Variants in TXNDC9 observed in about 807,000 individuals in gnomAD.
TXNDC9 encodes thioredoxin domain-containing protein 9.
Under a neutral mutation model 23.0 loss-of-function variants are expected in TXNDC9, and 7 were observed. The observed-to-expected ratio is 0.30, with a 90% CI of 0.17 to 0.57. The LOEUF (loss-of-function observed/expected upper bound fraction) is 0.57, where lower values mean the gene tolerates loss of function less well. TXNDC9 is among the 20% of genes least tolerant of loss of function. The probability of loss-of-function intolerance (pLI) is 0.90; values close to 1 mark genes in which losing one functional copy is unlikely to be tolerated. For synonymous variants in TXNDC9, 72 were observed against 90.6 expected, an observed-to-expected ratio of 0.79 and a Z score of 1.17; for missense variants, 198 against 252.6, an observed-to-expected ratio of 0.78 and a Z score of 1.47.
rs187165654 is a variant in TXNDC9, at chr2:99,328,105, T to A, written c.190-452A>T. ...GCCCAAAAGTGTTATTTATTTATTTTTTTTTTGAGAATGGGTCTTGCTAAA... is the reference window on the plus strand; with the variant it reads ...GCCCAAAAGTGTTATTTATTTATTTATTTTTTGAGAATGGGTCTTGCTAAA... On this transcript the variant is annotated intron_variant, in intron 2 of 4. Transcript: ENST00000264255. 1.1e-3 allele frequency among the ~76,000 whole-genome samples: 163 copies of A among 152,070 alleles called. 1 individual carries two copies. Among genetic ancestry groups the A allele is most frequent in the Middle Eastern group, 3.4e-3 (1 of 294 alleles).
intron 1 of TXNDC9, among the ~76,000 whole-genome samples, chr2:99,334,752 G>A (rs1337722945): frequency 6.6e-6 from 1 of 151,824 alleles, no homozygotes; most frequent in Non-Finnish European, 1.5e-5. Flanking sequence ...TCGCTCTGTC[G>A]CCCAGGCTGG....
At chr2:99,321,783 A>T in intron 4 of TXNDC9, 172 bp downstream of exon 4, 1 of 716,780 alleles carries the variant, frequency 1.4e-6, no homozygotes, top group South Asian at 2.3e-5. Context: ...TTGCCGTAAA[A>T]TCACGCTAAT....
At chr2:99,321,778 G>A (rs143694557) in intron 4 of TXNDC9, 177 bp downstream of exon 4, 8,773 of 685,724 alleles carry the variant, frequency 0.013, 75 homozygotes, top group Middle Eastern at 0.02. Context: ...TGATTTTGCC[G>A]TAAAATCACG....
intron 2 of TXNDC9, among the ~76,000 whole-genome samples, chr2:99,330,549 T>C (rs1327763745): frequency 1.3e-5 from 2 of 151,996 alleles, no homozygotes; most frequent in Non-Finnish European, 2.9e-5. Context: ...TGGGCCTACC[T>C]GAGGCATGGC....
chr2:99,314,529 C>CGTTTTTT (rs2094184121), downstream of TXNDC9, among the ~76,000 whole-genome samples: 1 of 97,446 alleles, frequency 1.0e-5, no homozygotes, highest in Non-Finnish European at 1.9e-5. Flanking sequence ...AATACTACAC[C>CGTTTTTT]TTTTTTTTTT....
intron 3 of TXNDC9, among the ~76,000 whole-genome samples, chr2:99,326,407 G>A (rs2094212767): frequency 6.6e-6 from 1 of 152,234 alleles, no homozygotes; most frequent in South Asian, 2.1e-4. Flanking sequence ...AGAGACTCTA[G>A]AGCACAGTGC....
At chr2:99,328,836 G>C (rs1574908600) in intron 2 of TXNDC9, among the ~76,000 whole-genome samples, 1 of 150,668 alleles carries the variant, frequency 6.6e-6, no homozygotes, top group African/African-American at 2.4e-5. Flanking sequence ...AAAAATACAA[G>C]AAATTACCTA....
downstream of TXNDC9, among the ~76,000 whole-genome samples, chr2:99,317,975 C>T (rs766070608): frequency 2.6e-5 from 4 of 152,236 alleles, no homozygotes; most frequent in African/African-American, 9.6e-5. Context: ...ACTACAACCT[C>T]TGCCTCTCGC....
intron 2 of TXNDC9, among the ~76,000 whole-genome samples, chr2:99,330,416 T>A (rs1337450224): frequency 1.3e-5 from 2 of 150,718 alleles, no homozygotes; most frequent in Non-Finnish European, 2.9e-5. Flanking sequence ...ATGTGCCCAT[T>A]CCAAACCTCT....
At chr2:99,310,050 C>T in the TXNDC9 span, among the ~76,000 whole-genome samples, 1 of 152,198 alleles carries the variant, frequency 6.6e-6, no homozygotes, top group Admixed American at 6.5e-5. Flanking sequence ...GTACCTACTT[C>T]ACAGGGTTGT....
chr2:99,334,585 T>C lies in TXNDC9; in HGVS notation c.-32-1343A>G, dbSNP rs182848461. Among the ~76,000 whole-genome samples, 347 of 152,356 alleles carry C rather than the reference T, an allele frequency of 2.3e-3. 4 individuals are homozygous for C. Among genetic ancestry groups the C allele is most frequent in the African/African-American group, 8.1e-3 (338 of 41,580 alleles). The stretch of plus-strand genomic sequence containing the variant: ...GACAACTGTAACATAATGGCATTTG[T>C]GTATCTAAACATAGAAAAGGTACGA... On this transcript the variant is annotated intron_variant, in intron 1 of 4. Coordinates refer to ENST00000264255, the MANE Select transcript of TXNDC9 (RefSeq NM_005783.4).
intron 1 of TXNDC9, among the ~76,000 whole-genome samples, chr2:99,333,451 C>T (rs2094230677): frequency 6.6e-6 from 1 of 152,108 alleles, no homozygotes; most frequent in Non-Finnish European, 1.5e-5. Flanking sequence ...TCAAAAACTA[C>T]TTACAGCAAA....
the TXNDC9 span, among the ~76,000 whole-genome samples, chr2:99,310,092 A>G: frequency 6.6e-6 from 1 of 152,232 alleles, no homozygotes; most frequent in Admixed American, 6.5e-5. Flanking sequence ...AATATTTGTG[A>G]AAGATCATGA....
chr2:99,310,251 TATG>T, the TXNDC9 span, among the ~76,000 whole-genome samples: 1 of 152,158 alleles, frequency 6.6e-6, no homozygotes, highest in Non-Finnish European at 1.5e-5. Flanking sequence ...AAATAGAATA[TATG>T]ATCTCTTTGG....
the TXNDC9 span, among the ~76,000 whole-genome samples, chr2:99,310,431 G>A: frequency 1.3e-5 from 2 of 152,118 alleles, no homozygotes; most frequent in African/African-American, 4.8e-5. Flanking sequence ...GCCTCGCAAA[G>A]TGCTGGGATT....
the TXNDC9 span, among the ~76,000 whole-genome samples, chr2:99,308,577 A>ATGTG: frequency 6.3e-4 from 95 of 150,042 alleles, 1 homozygote; most frequent in Non-Finnish European, 1.0e-3. Context: ...CTGTACATGC[A>ATGTG]TGTGTGTGTG....
At chr2:99,322,970 C>T (rs2094205816) in intron 3 of TXNDC9, among the ~76,000 whole-genome samples, 1 of 151,860 alleles carries the variant, frequency 6.6e-6, no homozygotes, top group African/African-American at 2.4e-5. Flanking sequence ...ACTGTGTTAG[C>T]CAGGATGGTC....
At position 99,319,892 on chromosome 2, in the gene TXNDC9, T is replaced by C. The variant is rs1346100020; in HGVS notation, c.564-93A>G. The C allele has an allele frequency of 1.2e-5, 9 of 771,856 alleles. No homozygotes were observed. In the East Asian group the frequency reaches 1.4e-4, roughly 12 times the overall value. 47.8% of individuals were successfully genotyped at this position (771,856 alleles called of 1,614,324 possible). On this transcript the variant is annotated intron_variant, in intron 4 of 4. Coordinates refer to ENST00000264255, the MANE Select transcript of TXNDC9 (RefSeq NM_005783.4). ...CTATCTTTGTTTTCTTCCTGTAACA[T>C]AGAATAAAATTTCTTTAAAATGCTG... is the stretch of plus-strand genomic sequence containing the variant.
intron 1 of TXNDC9, among the ~76,000 whole-genome samples, chr2:99,334,683 T>C (rs2094234378): frequency 6.6e-6 from 1 of 152,174 alleles, no homozygotes; most frequent in African/African-American, 2.4e-5. Context: ...TTAAAAGAAA[T>C]GGAGTATTTT....
Sources: gnomAD v4.1 joint callset for allele counts (sites outside exome capture counted in the v4.1 genomes callset) on GRCh38, gnomAD v4.1.1 for gene constraint, MANE v1.5 for transcripts, NCBI Gene and HGNC (gene_info 2026-07-23, HGNC 2026-07-21) for gene names.